The following NETO2 variants were observed in gnomAD, a reference collection of about 807,000 sequenced individuals.
The protein encoded by NETO2 is neuropilin and tolloid-like protein 2.
Under a neutral mutation model 62.5 loss-of-function variants are expected in NETO2, and 28 were observed. The ratio of observed to expected loss-of-function variants is 0.45; its 90% CI spans 0.33 to 0.61. NETO2 has a LOEUF of 0.61. NETO2 is among the 20% of genes least tolerant of loss of function. The pLI, the probability that NETO2 is intolerant of heterozygous loss-of-function variation, is 0.02. For synonymous variants in NETO2, 214 were observed against 219.1 expected (o/e 0.98, Z 0.21); for missense variants, 548 against 643.2 (o/e 0.85, Z 1.60).
At chr16:47,120,726 T>C (rs1162319289) in intron 6 of NETO2, among the ~76,000 whole-genome samples, 1 of 152,240 alleles carries the variant, frequency 6.6e-6, no homozygotes, top group East Asian at 1.9e-4. Flanking sequence ...TCTATTTTGC[T>C]ATTGATAATT....
At chr16:47,109,444 A>G in intron 7 of NETO2, 39 bp downstream of exon 7, 3 of 1,464,672 alleles carry the variant, frequency 2.0e-6, no homozygotes, top group Non-Finnish European at 2.9e-6. Flanking sequence ...AGTGAAAAAT[A>G]TGTAAAAGAT....
intron 7 of NETO2, among the ~76,000 whole-genome samples, chr16:47,086,748 A>C (rs1377150387): frequency 1.3e-5 from 2 of 152,190 alleles, no homozygotes; most frequent in Non-Finnish European, 2.9e-5. Flanking sequence ...TCAAAAAGTT[A>C]AAGATAGAAT....
At chr16:47,143,524 G>A (rs900996626) in intron 1 of NETO2, 55 bp downstream of exon 1, 111 of 1,217,484 alleles carry the variant, frequency 9.1e-5, no homozygotes, top group Admixed American at 4.3e-4. Context: ...GCAGGGCGGC[G>A]CGCCAGCCTC....
chr16:47,092,157 T>C (rs1183410400), intron 7 of NETO2, among the ~76,000 whole-genome samples: 2 of 152,036 alleles, frequency 1.3e-5, no homozygotes, highest in African/African-American at 2.4e-5. Context: ...CCATGCCCAT[T>C]TGCTGTTGTT....
At chr16:47,111,937 T>G (rs2143911377) in intron 6 of NETO2, among the ~76,000 whole-genome samples, 1 of 152,346 alleles carries the variant, frequency 6.6e-6, no homozygotes, top group Middle Eastern at 3.4e-3. Flanking sequence ...GGGATGCTAT[T>G]TATTGGAGCC....
intron 6 of NETO2, among the ~76,000 whole-genome samples, chr16:47,112,909 C>A (rs1963829958): frequency 6.6e-6 from 1 of 152,154 alleles, no homozygotes; most frequent in Non-Finnish European, 1.5e-5. Context: ...TATTTTCATA[C>A]TTACATATCT....
intron 7 of NETO2, among the ~76,000 whole-genome samples, chr16:47,087,899 T>C (rs1213051678): frequency 1.3e-5 from 2 of 152,222 alleles, no homozygotes; most frequent in Admixed American, 6.5e-5. Flanking sequence ...TCCTTGTGTA[T>C]GTAAACCTTT....
chr16:47,091,367 A>G (rs1963309850), intron 7 of NETO2, among the ~76,000 whole-genome samples: 1 of 152,244 alleles, frequency 6.6e-6, no homozygotes, highest in African/African-American at 2.4e-5. Flanking sequence ...AAATTAGTGT[A>G]TATAGAGAAA....
chr16:47,132,129 CTATT>C (rs762156999), intron 1 of NETO2, 104 bp from the exon 2 acceptor site: 11 of 838,788 alleles, frequency 1.3e-5, no homozygotes, highest in Middle Eastern at 2.5e-4. Context: ...ACTAAAATCA[CTATT>C]TATTACTCAA....
intron 7 of NETO2, among the ~76,000 whole-genome samples, chr16:47,097,715 T>C (rs946050987): frequency 2.0e-5 from 3 of 152,226 alleles, no homozygotes; most frequent in African/African-American, 7.2e-5. Flanking sequence ...CTGATCCCCA[T>C]GCCTCCTGAC....
At chr16:47,114,444 T>C (rs1432106035) in intron 6 of NETO2, among the ~76,000 whole-genome samples, 1 of 111,212 alleles carries the variant, frequency 9.0e-6, no homozygotes, top group Non-Finnish European at 1.9e-5. Flanking sequence ...AATTTCTTTT[T>C]TTTTTTTTTT....
At chr16:47,120,021 C>G (rs753823963) in intron 6 of NETO2, among the ~76,000 whole-genome samples, 1 of 152,074 alleles carries the variant, frequency 6.6e-6, no homozygotes, top group Non-Finnish European at 1.5e-5. Context: ...ATCTTTTGAG[C>G]CATATTAACT....
At position 47,086,341 on chromosome 16, in the gene NETO2, T is replaced by C. The variant is rs1339175187; in HGVS notation, c.884-2A>G. 6.2e-7 allele frequency: 1 copy of C among 1,604,234 alleles called. No homozygotes were observed. The stretch of plus-strand genomic sequence containing the variant: ...AGAAAGTGCTGCTTGTGCAGGGAGC[T>C]GCAGGAAGAGAAAACAGTGTTGCAA... On this transcript the variant is annotated splice_acceptor_variant, in intron 7 of 8. Transcript: ENST00000562435. LOFTEE classifies it high-confidence loss of function.
At chr16:47,141,273 T>C (rs536537414) in intron 1 of NETO2, among the ~76,000 whole-genome samples, 97 of 152,340 alleles carry the variant, frequency 6.4e-4, no homozygotes, top group South Asian at 2.1e-3. Flanking sequence ...ATGTAAATGT[T>C]AAATAGCTGC....
intron 4 of NETO2, among the ~76,000 whole-genome samples, chr16:47,127,934 G>A (rs2151489520): frequency 6.6e-6 from 1 of 152,188 alleles, no homozygotes; most frequent in East Asian, 1.9e-4. Context: ...TCAGTTGAGT[G>A]GTTAATTCTA....
At chr16:47,087,380 G>T (rs1157913999) in intron 7 of NETO2, among the ~76,000 whole-genome samples, 1 of 152,076 alleles carries the variant, frequency 6.6e-6, no homozygotes, top group Admixed American at 6.6e-5. Flanking sequence ...ACTTATTGAG[G>T]TGCCTAGAAG....
intron 1 of NETO2, 103 bp from the exon 2 acceptor site, chr16:47,132,128 A>G (rs1964278918): frequency 1.2e-6 from 1 of 840,744 alleles, no homozygotes; most frequent in Non-Finnish European, 2.0e-6. Flanking sequence ...AACTAAAATC[A>G]CTATTTATTA....
intron 2 of NETO2, among the ~76,000 whole-genome samples, chr16:47,131,345 G>T (rs189820362): frequency 6.6e-6 from 1 of 152,274 alleles, no homozygotes; most frequent in East Asian, 1.9e-4. Flanking sequence ...TTAGAGAAAG[G>T]AAGGGAAATA....
intron 6 of NETO2, among the ~76,000 whole-genome samples, chr16:47,115,282 T>C (rs1169347415): frequency 1.3e-5 from 2 of 152,170 alleles, no homozygotes; most frequent in East Asian, 1.9e-4. Context: ...TAGCTGTGAT[T>C]TTGATTGAAA....
Sources: allele counts gnomAD v4.1 joint callset (sites outside exome capture counted in the v4.1 genomes callset), GRCh38; gene constraint gnomAD v4.1.1; transcripts MANE v1.5; gene names NCBI Gene and HGNC (gene_info 2026-07-23, HGNC 2026-07-21).